SYT12: variants seen among roughly 807,000 people sequenced by gnomAD.
SYT12 encodes synaptotagmin-12.
SYT12 carries 27 observed loss-of-function variants against 39.5 expected under a neutral mutation model. The ratio of observed to expected loss-of-function variants is 0.68; its 90% confidence interval spans 0.50 to 0.94. SYT12 has a LOEUF of 0.94. Among genes scored for constraint, SYT12 ranks in the 40% least tolerant of loss-of-function variants. The pLI is 0.00. For missense variants in SYT12, 536 were observed against 572.6 expected (o/e 0.94, Z 0.65); for synonymous variants, 233 against 239.7 (o/e 0.97, Z 0.26).
chr11:67,013,452 G>A (rs1168762378), intron 3 of SYT12, among the ~76,000 whole-genome samples: 5 of 152,130 alleles, frequency 3.3e-5, no homozygotes, highest in African/African-American at 7.2e-5. Context: ...CTGAGTGAGC[G>A]TCTGGGCCTT....
At chr11:67,006,878 C>T (rs1423084466) in exon 1 of SYT12, 1 of 152,234 alleles carries the variant, frequency 6.6e-6, no homozygotes, top group Non-Finnish European at 1.5e-5. Flanking sequence ...CAACCCTGAT[C>T]CTGTCCTTTA....
chr11:67,027,320 T>C (rs921781538), intron 1 of SYT12: 3 of 152,080 alleles, frequency 2.0e-5, no homozygotes, highest in Non-Finnish European at 2.9e-5. Flanking sequence ...GCCAACATGA[T>C]GAAACCCCGT....
chr11:67,045,648 G>A (rs1304897361), intron 6 of SYT12, 96 bp from the exon 7 acceptor site: 10 of 1,517,986 alleles, frequency 6.6e-6, no homozygotes, highest in Non-Finnish European at 8.9e-6. Flanking sequence ...CAACAGTTAA[G>A]CATTGGGGAG....
At chr11:67,038,180 T>TTTAG (rs1950422356) in intron 3 of SYT12, among the ~76,000 whole-genome samples, 1 of 151,456 alleles carries the variant, frequency 6.6e-6, no homozygotes, top group South Asian at 2.1e-4. Flanking sequence ...TATTTATTTA[T>TTTAG]TTTTGAGACA....
intron 1 of SYT12, chr11:67,007,605 C>G (rs1245527949): frequency 6.6e-6 from 1 of 152,150 alleles, no homozygotes; most frequent in Non-Finnish European, 1.5e-5. Context: ...ACTGTTGTTG[C>G]CCGGGCTGGA....
At chr11:67,037,976 G>A (rs2136222555) in intron 3 of SYT12, among the ~76,000 whole-genome samples, 1 of 150,470 alleles carries the variant, frequency 6.6e-6, no homozygotes, top group African/African-American at 2.4e-5. Flanking sequence ...GATCGCTTGG[G>A]CCCAGAAGGT....
intron 3 of SYT12, among the ~76,000 whole-genome samples, chr11:67,015,624 C>T (rs115209978): frequency 7.5e-4 from 114 of 152,228 alleles, no homozygotes; most frequent in African/African-American, 2.6e-3. Context: ...CTGTCCTGGA[C>T]GTGGATTCCT....
intron 2 of SYT12, among the ~76,000 whole-genome samples, chr11:67,033,870 C>T (rs926901555): frequency 6.6e-5 from 10 of 152,092 alleles, no homozygotes; most frequent in Non-Finnish European, 8.8e-5. Flanking sequence ...GGGGAGGACT[C>T]GCCTGCCACA....
At chr11:67,036,887 A>G (rs2136221076) in intron 3 of SYT12, among the ~76,000 whole-genome samples, 1 of 152,288 alleles carries the variant, frequency 6.6e-6, no homozygotes, top group African/African-American at 2.4e-5. Context: ...CAGCCTGCCC[A>G]ACATGGAGAA....
intron 3 of SYT12, among the ~76,000 whole-genome samples, chr11:67,036,070 A>G (rs1042428098): frequency 6.6e-6 from 1 of 150,840 alleles, no homozygotes; most frequent in Non-Finnish European, 1.5e-5. Context: ...CCAAGCCACC[A>G]TGCCTAGCTA....
At chr11:67,047,856 T>C (rs971143220) in intron 7 of SYT12, among the ~76,000 whole-genome samples, 2 of 145,154 alleles carry the variant, frequency 1.4e-5, no homozygotes, top group African/African-American at 2.5e-5. Context: ...GGCGCTGTCT[T>C]GGCTCACTGC....
At chr11:67,013,766 G>A (rs987364370) in intron 3 of SYT12, among the ~76,000 whole-genome samples, 10 of 152,254 alleles carry the variant, frequency 6.6e-5, no homozygotes, top group Non-Finnish European at 1.0e-4. Context: ...GGCTAATGCC[G>A]TCTGCGTTCC....
chr11:67,034,950 G>T, intron 3 of SYT12, 112 bp downstream of exon 3: 1 of 735,152 alleles, frequency 1.4e-6, no homozygotes, highest in Non-Finnish European at 2.0e-6. Context: ...CCTGGTTAAT[G>T]TCCTCCTTTG....
intron 3 of SYT12, 108 bp downstream of exon 3, chr11:67,034,946 TA>T (rs1311580495): frequency 6.2e-6 from 5 of 811,676 alleles, no homozygotes; most frequent in Non-Finnish European, 9.0e-6. Context: ...TCCTCCTGGT[TA>T]ATGTCCTCCT....
chr11:67,016,212 T>C (rs1357217528), intron 3 of SYT12, among the ~76,000 whole-genome samples: 2 of 151,900 alleles, frequency 1.3e-5, no homozygotes, highest in African/African-American at 2.4e-5. Context: ...ACCCAGGAGA[T>C]GAAGGTTGCA....
chr11:67,024,987 T>C (rs1283483422), intron 1 of SYT12, among the ~76,000 whole-genome samples: 1 of 152,134 alleles, frequency 6.6e-6, no homozygotes, highest in East Asian at 1.9e-4. Flanking sequence ...GCCTCTGCCA[T>C]GGTCTGATTC....
Position 67,044,630 on chromosome 11 carries a change from G to T in SYT12, c.875G>T (p.Ser292Ile). 6.2e-7 allele frequency: 1 copy of T among 1,613,478 alleles called. No individual in the cohort carries two copies. The highest frequency in any genetic ancestry group is 2.2e-5 in the East Asian group (1 of 44,874). ...GTGGGGGAGATCCTGCTCTCCCTCA[G>T]CTACCTCCCCACAGCCGAGCGCCTC... ...DAVGEILLSLSYLPTAERLTV... is the reference protein window; with the variant it reads ...DAVGEILLSLIYLPTAERLTV... The change falls in exon 6 of 8, where the codon AGC becomes ATC. Residue 292 changes from serine to isoleucine, a missense_variant. Transcript: ENST00000527043.
rs375154870 is a variant in SYT12 at position 67,043,699 on chromosome 11, C to T, written c.683C>T (p.Thr228Ile). Residue 228 changes from threonine (T) to isoleucine (I), a missense_variant, in exon 5 of 8, where the codon ACA becomes ATA. Transcript: ENST00000527043. The part of the protein sequence containing the change: ...DEKFSIPLDP[T>I]ALEEKSLRFS... The stretch of plus-strand genomic sequence containing the variant: ...AAGTTCTCCATCCCCCTGGATCCCA[C>T]AGCCCTGGAGGAGAAGAGCCTGCGG... 2.2e-5 allele frequency: 36 copies of T among 1,614,068 alleles called. No homozygotes were observed. Among genetic ancestry groups the T allele is most frequent in the Non-Finnish European group, 2.9e-5 (34 of 1,180,060 alleles).
chr11:67,014,376 T>G (rs1047462459), intron 3 of SYT12, among the ~76,000 whole-genome samples: 2 of 151,358 alleles, frequency 1.3e-5, no homozygotes, highest in Non-Finnish European at 2.9e-5. Flanking sequence ...TTGATGACTG[T>G]GAATCCAAGC....
Sources: gnomAD v4.1 joint callset for allele counts (sites outside exome capture counted in the v4.1 genomes callset) on GRCh38, gnomAD v4.1.1 for gene constraint, MANE v1.5 for transcripts, NCBI Gene and HGNC (gene_info 2026-07-23, HGNC 2026-07-21) for gene names.